Variants in BAZ2B observed in about 807,000 individuals in gnomAD.
BAZ2B encodes the protein bromodomain adjacent to zinc finger domain protein 2B.
Under a neutral mutation model 246.0 loss-of-function variants are expected in BAZ2B, and 91 were observed. The ratio of observed to expected loss-of-function variants is 0.37; its 90% CI spans 0.31 to 0.44. The LOEUF (loss-of-function observed/expected upper bound fraction) is 0.44. Among genes scored for constraint, BAZ2B ranks in the 20% least tolerant of loss-of-function variants. The probability of loss-of-function intolerance (pLI) is 1.00; values close to 1 mark genes in which losing one functional copy is unlikely to be tolerated. For synonymous variants in BAZ2B, 855 were observed against 860.0 expected (o/e 0.99, Z 0.10); for missense variants, 2,332 against 2,533.7 (o/e 0.92, Z 1.71).
chr2:159,612,560 C>A (rs1418764905), intron 1 of BAZ2B, among the ~76,000 whole-genome samples: 2 of 152,098 alleles, frequency 1.3e-5, no homozygotes, highest in Non-Finnish European at 2.9e-5. Flanking sequence ...TAAAAGTAAT[C>A]AAGTTCCAAA....
chr2:159,695,770 T>A, the BAZ2B span, among the ~76,000 whole-genome samples: 4 of 152,150 alleles, frequency 2.6e-5, no homozygotes, highest in Non-Finnish European at 5.9e-5. Context: ...TTTTATTTTT[T>A]TTGAGATGCA....
At position 159,347,682 on chromosome 2, in the gene BAZ2B, T is replaced by C. The variant is rs773367571; in HGVS notation, c.5294-36A>G. 1.4e-5 allele frequency: 21 copies of C among 1,514,978 alleles called. 1 individual carries two copies. The South Asian group carries it at 2.5e-4, about 18-fold the overall frequency. 93.8% of individuals were successfully genotyped at this position (1,514,978 alleles called of 1,614,324 possible). A position where few individuals can be genotyped will look rare whatever the true frequency, so the allele number is the denominator to read the frequency against. ...AAAGAAATTAATTTAAAAATCCACTTATTAAGCTTTTCCCCACAGAGACCT... is the reference window on the plus strand; with the variant it reads ...AAAGAAATTAATTTAAAAATCCACTCATTAAGCTTTTCCCCACAGAGACCT... On this transcript the variant is annotated intron_variant, in intron 30 of 36. Coordinates refer to ENST00000392783, the MANE Select transcript of BAZ2B (RefSeq NM_013450.4).
At chr2:159,384,700 C>T (rs1396571536) in intron 23 of BAZ2B, among the ~76,000 whole-genome samples, 1 of 151,298 alleles carries the variant, frequency 6.6e-6, no homozygotes, top group East Asian at 2.0e-4. Flanking sequence ...TAAATAAATA[C>T]TCTATGGTTC....
chr2:159,663,191 T>A, the BAZ2B span, among the ~76,000 whole-genome samples: 4 of 148,490 alleles, frequency 2.7e-5, no homozygotes, highest in African/African-American at 9.9e-5. Flanking sequence ...TTTGTTGTTG[T>A]TTTTTTTTTC....
rs776090675 is a variant in BAZ2B at position 159,386,626 on chromosome 2, A to G, written c.3217-19T>C. ...GCAAAGGCTGAAAATAAAATGAAATACAAATAAAATAAAAACAGCTTAATT... is the reference window on the plus strand; with the variant it reads ...GCAAAGGCTGAAAATAAAATGAAATGCAAATAAAATAAAAACAGCTTAATT... On this transcript the variant is annotated intron_variant, in intron 21 of 36. Coordinates refer to ENST00000392783, the MANE Select transcript of BAZ2B (RefSeq NM_013450.4). 33 of 1,564,234 alleles carry G rather than the reference A, an allele frequency of 2.1e-5. No individual in the cohort carries two copies. The highest frequency in any genetic ancestry group is 4.0e-5 in the Admixed American group (2 of 49,572).
chr2:159,518,430 T>C (rs776161492), intron 2 of BAZ2B, among the ~76,000 whole-genome samples: 2 of 152,172 alleles, frequency 1.3e-5, no homozygotes, highest in Non-Finnish European at 2.9e-5. Flanking sequence ...GGTAGTGCTA[T>C]ACAGACAAAA....
chr2:159,709,341 G>T, the BAZ2B span, among the ~76,000 whole-genome samples: 1 of 151,942 alleles, frequency 6.6e-6, no homozygotes, highest in African/African-American at 2.4e-5. Flanking sequence ...ATGGTTAATG[G>T]GTACAAATAT....
At chr2:159,586,400 C>G (rs990818383) in intron 1 of BAZ2B, among the ~76,000 whole-genome samples, 3 of 152,028 alleles carry the variant, frequency 2.0e-5, no homozygotes, top group African/African-American at 7.2e-5. Flanking sequence ...ATCATCTACA[C>G]AGAATTCAGA....
chr2:159,624,031 AGGCTTGAGTG>A, the BAZ2B span, among the ~76,000 whole-genome samples: 1 of 152,164 alleles, frequency 6.6e-6, no homozygotes, highest in South Asian at 2.1e-4. Flanking sequence ...GCCATTGATG[AGGCTTGAGTG>A]GGTAGTTTTA....
At chr2:159,490,523 T>A (rs2080337164) in intron 2 of BAZ2B, among the ~76,000 whole-genome samples, 1 of 152,120 alleles carries the variant, frequency 6.6e-6, no homozygotes, top group Non-Finnish European at 1.5e-5. Flanking sequence ...TTTTTGTTTG[T>A]TTGTTTGCTT....
At chr2:159,580,708 C>T (rs1397704099) in intron 1 of BAZ2B, among the ~76,000 whole-genome samples, 1 of 152,094 alleles carries the variant, frequency 6.6e-6, no homozygotes, top group African/African-American at 2.4e-5. Context: ...GCTACAGTAA[C>T]CAAAACAGAC....
intron 2 of BAZ2B, among the ~76,000 whole-genome samples, chr2:159,503,539 T>C (rs1213485961): frequency 6.6e-6 from 1 of 152,174 alleles, no homozygotes; most frequent in African/African-American, 2.4e-5. Context: ...CATTGTACTA[T>C]ATAACAATTT....
Position 159,376,091 on chromosome 2 carries a change from C to T in BAZ2B, c.4006-1338G>A, listed in dbSNP as rs534079465. 1.8e-4 allele frequency among the ~76,000 whole-genome samples: 28 copies of T among 152,274 alleles called. 1 individual carries two copies. The South Asian group carries it at 5.2e-3, about 28-fold the overall frequency. On this transcript the variant is annotated intron_variant, in intron 25 of 36. Transcript: ENST00000392783. ...AGGGAAAGCATGAACAGAAGGTACA[C>T]GGGTTTCTTTGGATCTTATCTGCAC...
At chr2:159,368,050 G>C (rs943484065) in intron 27 of BAZ2B, among the ~76,000 whole-genome samples, 1 of 152,114 alleles carries the variant, frequency 6.6e-6, no homozygotes, top group East Asian at 1.9e-4. Flanking sequence ...TTATACACTT[G>C]TATGTTCTCT....
the BAZ2B span, among the ~76,000 whole-genome samples, chr2:159,711,487 A>C: frequency 6.6e-6 from 1 of 152,226 alleles, no homozygotes; most frequent in East Asian, 1.9e-4. Context: ...AAACACGTAG[A>C]AACACTGTGT....
chr2:159,481,680 C>G (rs1448249007), intron 2 of BAZ2B, among the ~76,000 whole-genome samples: 1 of 151,718 alleles, frequency 6.6e-6, no homozygotes, highest in East Asian at 1.9e-4. Context: ...CTTCCCAAAA[C>G]TACACAAACT....
chr2:159,337,755 C>T lies in BAZ2B; in HGVS notation c.5472G>A (p.Glu1824=). 6.2e-7 allele frequency: 1 copy of T among 1,614,002 alleles called. No homozygotes were observed. Among genetic ancestry groups the T allele is most frequent in the Non-Finnish European group, 8.5e-7 (1 of 1,179,910 alleles). Residue 1824 remains glutamate, a synonymous_variant, in exon 32 of 37, where the codon GAG becomes GAA. Coordinates refer to ENST00000392783, the MANE Select transcript of BAZ2B (RefSeq NM_013450.4). ...SLQVKGWMCP[E]PASEREDLVY... is the part of the protein sequence containing the mutation. ...CCAAGTCCTCCCTTTCTGATGCAGG[C>T]TCTGGACACATCCAACCCTATATAT...
At chr2:159,700,881 T>C in the BAZ2B span, among the ~76,000 whole-genome samples, 1 of 152,204 alleles carries the variant, frequency 6.6e-6, no homozygotes, top group African/African-American at 2.4e-5. Context: ...TTACACTAAT[T>C]GGTAAGACAA....
chr2:159,663,309 C>T, the BAZ2B span, among the ~76,000 whole-genome samples: 1 of 150,714 alleles, frequency 6.6e-6, no homozygotes, highest in East Asian at 2.0e-4. Flanking sequence ...TCAAGCAATT[C>T]TCCTGCCTCA....
Sources: allele counts gnomAD v4.1 joint callset (sites outside exome capture counted in the v4.1 genomes callset), GRCh38; gene constraint gnomAD v4.1.1; transcripts MANE v1.5; gene names NCBI Gene and HGNC (gene_info 2026-07-23, HGNC 2026-07-21).